Variants in COL6A5 observed in about 807,000 individuals in gnomAD.
COL6A5 encodes collagen alpha-5(VI) chain.
A neutral mutation model predicts 65.6 loss-of-function variants in COL6A5; 48 were observed. That is an observed-to-expected ratio of 0.73 (90% confidence interval 0.58 to 0.93). The LOEUF (loss-of-function observed/expected upper bound fraction) is 0.93, where lower values mean the gene tolerates loss of function less well. COL6A5 is among the 40% of genes least tolerant of loss of function. COL6A5 has a pLI of 0.00. For synonymous variants in COL6A5, 291 were observed against 322.8 expected (o/e 0.90, Z 1.05); for missense variants, 914 against 928.3 (o/e 0.98, Z 0.20).
At chr3:130,467,985 C>G (rs1354194185) in intron 5 of COL6A5, among the ~76,000 whole-genome samples, 1 of 152,000 alleles carries the variant, frequency 6.6e-6, no homozygotes, top group Non-Finnish European at 1.5e-5. Context: ...TGATTGTAGA[C>G]AGGCTTCATG....
intron 10 of COL6A5, among the ~76,000 whole-genome samples, chr3:130,398,716 G>T (rs997836819): frequency 2.0e-5 from 3 of 152,152 alleles, no homozygotes; most frequent in Non-Finnish European, 4.4e-5. Context: ...CCACGTTGGT[G>T]GTGGGGGCAG....
At chr3:130,421,030 C>T in intron 25 of COL6A5, 123 bp from the exon 26 acceptor site, 2 of 801,064 alleles carry the variant, frequency 2.5e-6, no homozygotes, top group South Asian at 3.5e-5. Flanking sequence ...TCAAGGTCAC[C>T]AATTAGGCCC....
chr3:130,358,625 G>A (rs1935004589), intron 1 of COL6A5, among the ~76,000 whole-genome samples: 1 of 152,144 alleles, frequency 6.6e-6, no homozygotes, highest in Non-Finnish European at 1.5e-5. Context: ...CAAATTCAAA[G>A]AGCCATGTGG....
intron 29 of COL6A5, among the ~76,000 whole-genome samples, chr3:130,425,232 G>A (rs564633569): frequency 1.3e-5 from 2 of 152,156 alleles, no homozygotes; most frequent in South Asian, 2.1e-4. Context: ...ACAACAGTTC[G>A]GATTAACTCC....
chr3:130,452,523 T>C (rs141523631), intron 4 of COL6A5, among the ~76,000 whole-genome samples: 348 of 152,192 alleles, frequency 2.3e-3, no homozygotes, highest in Middle Eastern at 6.8e-3. Context: ...ATTTGGGATT[T>C]TCAAAAGGGG....
chr3:130,392,335 A>G (rs1168526218), intron 7 of COL6A5, among the ~76,000 whole-genome samples: 1 of 152,158 alleles, frequency 6.6e-6, no homozygotes, highest in Non-Finnish European at 1.5e-5. Context: ...GCTGAGAGAA[A>G]CAGGGAGGGA....
At chr3:130,479,034 G>C (rs1469569541) in intron 7 of COL6A5, among the ~76,000 whole-genome samples, 2 of 152,004 alleles carry the variant, frequency 1.3e-5, no homozygotes, top group African/African-American at 2.4e-5. Context: ...GATGAATAAT[G>C]CTATGGCCTG....
At chr3:130,459,424 C>G (rs1054394692) in intron 5 of COL6A5, among the ~76,000 whole-genome samples, 1 of 152,084 alleles carries the variant, frequency 6.6e-6, no homozygotes, top group Non-Finnish European at 1.5e-5. Flanking sequence ...TAAAAACTCA[C>G]CTGGGAGCAG....
At chr3:130,442,597 C>A (rs1172914639) in intron 3 of COL6A5, among the ~76,000 whole-genome samples, 2 of 152,162 alleles carry the variant, frequency 1.3e-5, no homozygotes, top group Non-Finnish European at 2.9e-5. Flanking sequence ...GGCTCCTCTG[C>A]TGGTATTTAT....
Position 130,379,413 on chromosome 3 carries a change from C to T in COL6A5, c.668-5C>T. On this transcript the variant is annotated splice_region_variant and splice_polypyrimidine_tract_variant and intron_variant and NMD_transcript_variant, in intron 3 of 41. Transcript: ENST00000312481. ...CTAATCCTCACACATTTTCTGTCTG[C>T]ATAGTTCACTTCCCCATATCCTGTC... 6.5e-7 allele frequency: 1 copy of T among 1,548,702 alleles called. No homozygotes were observed. The highest frequency in any genetic ancestry group is 1.4e-5 in the African/African-American group (1 of 73,062).
intron 24 of COL6A5, among the ~76,000 whole-genome samples, chr3:130,418,265 G>C (rs148078864): frequency 1.8e-4 from 27 of 152,084 alleles, no homozygotes; most frequent in African/African-American, 6.3e-4. Flanking sequence ...CCTCCCTCCT[G>C]CGTGCCTGCC....
At chr3:130,388,416 A>T (rs1183473565) in intron 5 of COL6A5, among the ~76,000 whole-genome samples, 164 bp from the exon 6 acceptor site, 2 of 152,298 alleles carry the variant, frequency 1.3e-5, no homozygotes, top group Admixed American at 6.5e-5. Context: ...GTTCTAGTCA[A>T]CCAGCTTCTA....
intron 17 of COL6A5, 91 bp downstream of exon 17, chr3:130,406,412 A>T: frequency 2.0e-6 from 2 of 997,332 alleles, no homozygotes; most frequent in Non-Finnish European, 3.0e-6. Flanking sequence ...TAGGGGATAA[A>T]ATTTACAACT....
intron 7 of COL6A5, among the ~76,000 whole-genome samples, chr3:130,474,850 C>T (rs899885691): frequency 1.3e-4 from 20 of 149,648 alleles, no homozygotes; most frequent in Admixed American, 1.1e-3. Flanking sequence ...TCAACAACAA[C>T]AAATTAGTTG....
intron 7 of COL6A5, 106 bp downstream of exon 39, chr3:130,471,073 T>TG (rs1333011960): frequency 2.0e-4 from 153 of 771,680 alleles, no homozygotes; most frequent in East Asian, 7.9e-4. Context: ...AGTGTGTGTT[T>TG]TTGTGTGTGT....
At chr3:130,422,936 T>C (rs1176404408) in intron 28 of COL6A5, among the ~76,000 whole-genome samples, 154 bp downstream of exon 28, 1 of 152,116 alleles carries the variant, frequency 6.6e-6, no homozygotes, top group African/African-American at 2.4e-5. Context: ...TCAGGGTCTC[T>C]ATTTCAGTAA....
intron 8 of COL6A5, 115 bp downstream of exon 8, chr3:130,395,580 G>A (rs1375635474): frequency 3.7e-6 from 3 of 812,030 alleles, no homozygotes; most frequent in Non-Finnish European, 5.9e-6. Context: ...TATTTAGTGA[G>A]AATATCTCAC....
chr3:130,379,881 C>G, exon 4 of COL6A5: 1 of 1,551,332 alleles, frequency 6.4e-7, no homozygotes, highest in Non-Finnish European at 8.7e-7. Flanking sequence ...AAGGGGCTAA[C>G]AATACCCAGT....
chr3:130,453,225 A>G (rs969693224), intron 4 of COL6A5, among the ~76,000 whole-genome samples: 1 of 152,172 alleles, frequency 6.6e-6, no homozygotes, highest in Non-Finnish European at 1.5e-5. Context: ...TGGGGAAGTG[A>G]TAAGTGTCCA....
Sources: allele counts gnomAD v4.1 joint callset (sites outside exome capture counted in the v4.1 genomes callset), GRCh38; gene constraint gnomAD v4.1.1; transcripts MANE v1.5; gene names NCBI Gene and HGNC (gene_info 2026-07-23, HGNC 2026-07-21).